The following ADH5 variants were observed in gnomAD, a reference collection of about 807,000 sequenced individuals.
ADH5 encodes the protein alcohol dehydrogenase class-3.
Under a neutral mutation model 40.3 loss-of-function variants are expected in ADH5, and 32 were observed. The ratio of observed to expected loss-of-function variants is 0.79; its 90% confidence interval spans 0.60 to 1.07. ADH5 has a LOEUF of 1.07. Among genes scored for constraint, ADH5 ranks in the 50% least tolerant of loss-of-function variants. ADH5 has a pLI of 0.00. For missense variants in ADH5, 353 were observed against 460.5 expected, an observed-to-expected ratio of 0.77 and a Z score of 2.14; for synonymous variants, 125 against 154.3, an observed-to-expected ratio of 0.81 and a Z score of 1.41.
intron 7 of ADH5, among the ~76,000 whole-genome samples, chr4:99,074,660 T>C (rs947191219): frequency 2.0e-5 from 3 of 150,488 alleles, no homozygotes; most frequent in Non-Finnish European, 4.4e-5. Flanking sequence ...AATATTGATA[T>C]TTTTCTTTTA....
chr4:99,076,854 C>A lies in ADH5; in HGVS notation c.414G>T (p.Leu138Phe), dbSNP rs1727941239. 6.8e-6 allele frequency: 11 copies of A among 1,613,792 alleles called. No homozygotes were observed. The highest frequency in any genetic ancestry group is 8.5e-6 in the Non-Finnish European group (10 of 1,179,834). Residue 138 changes from leucine to phenylalanine, a missense_variant, in exon 5 of 9, where the codon TTG becomes TTT. Leu to Phe is a conservative substitution (Grantham distance 22). Transcript: ENST00000296412. ...SRFTCKGKTI[L>F]HYMGTSTFSE... is the part of the protein sequence containing the mutation. ...AAAATGTGCTGGTTCCCATGTAATG[C>A]AAAATTGTCTTTCCTTTGCAAGTAA...
chr4:99,085,619 C>T (rs537594730), intron 1 of ADH5: 42 of 352,482 alleles, frequency 1.2e-4, no homozygotes, highest in African/African-American at 8.6e-4. Flanking sequence ...TGAATACCAC[C>T]GGCTTGGTGC....
chr4:99,088,555 G>C, intron 1 of ADH5, 134 bp downstream of exon 1: 1 of 893,460 alleles, frequency 1.1e-6, no homozygotes, highest in Non-Finnish European at 1.6e-6. Context: ...CGCTCGCTGG[G>C]GGCCCAGTTT....
chr4:99,079,175 T>C (rs1030796009), intron 4 of ADH5, among the ~76,000 whole-genome samples: 5 of 152,194 alleles, frequency 3.3e-5, no homozygotes, highest in African/African-American at 1.2e-4. Flanking sequence ...GCAATGCCTA[T>C]ATCCATCAAA....
chr4:99,073,748 T>C (rs1481804299), intron 7 of ADH5, among the ~76,000 whole-genome samples: 1 of 152,156 alleles, frequency 6.6e-6, no homozygotes, highest in African/African-American at 2.4e-5. Flanking sequence ...GCTTCTATTA[T>C]CTTTAGATCA....
rs1579364214 is a variant in ADH5 at position 99,081,305 on chromosome 4, G to A, written c.344+60C>T. ...ATTCCTCCTCAACCCCTCGGTCTCT[G>A]TGATTCCTTAATTATCCCGCAGCAC... On this transcript the variant is annotated intron_variant, in intron 4 of 8. Transcript: ENST00000296412. 5 of 1,140,870 alleles carry A rather than the reference G, an allele frequency of 4.4e-6. No homozygotes were observed. In the East Asian group the frequency reaches 1.3e-4, roughly 29 times the overall value. 70.7% of individuals were successfully genotyped at this position (1,140,870 alleles called of 1,614,324 possible).
intron 6 of ADH5, 185 bp downstream of exon 6, chr4:99,076,107 T>C: frequency 1.6e-6 from 1 of 610,204 alleles, no homozygotes; most frequent in Non-Finnish European, 2.8e-6. Context: ...TCTTTTCTCA[T>C]CCTTCCCTGA....
rs1727843646 is a variant in ADH5, at chr4:99,072,104, GCAGA to G, written c.*309_*312del. On this transcript the variant is annotated 3_prime_UTR_variant, in exon 9 of 9. Transcript: ENST00000296412. ...TTCCCTTGCAGAATGAAGATAATGG[GCAGA>G]CAAACCGTGACAATGATGACAGCAT... The G allele has an allele frequency of 3.6e-6, 1 of 274,020 alleles. No individual in the cohort carries two copies. The highest frequency in any genetic ancestry group is 6.8e-6 in the Non-Finnish European group (1 of 147,232). The allele number at this position is 274,020 out of a possible 1,614,324, so 17.0% of individuals were successfully genotyped here.
rs772360619 is a variant in ADH5 at position 99,076,353 on chromosome 4, A to G, written c.764T>C (p.Ile255Thr). ...DFSKPIQEVL[I>T]EMTDGGVDYS... ...GTCCACTCCTCCATCGGTCATCTCA[A>G]TGAGCACTTCCTGGATGGGTTTACT... The change falls in exon 6 of 9, where the codon ATT becomes ACT. Residue 255 changes from isoleucine (I) to threonine (T), a missense_variant. Physicochemically the swap from Ile to Thr is moderately conservative, Grantham distance 89 (BLOSUM62 -1). Coordinates refer to ENST00000296412, the MANE Select transcript of ADH5 (RefSeq NM_000671.4). The G allele has an allele frequency of 1.1e-5, 17 of 1,614,058 alleles. No homozygotes were observed. Among genetic ancestry groups the G allele is most frequent in the Non-Finnish European group, 1.4e-5 (17 of 1,180,028 alleles).
In ADH5 at chr4:99,075,013, C is replaced by T. The variant is rs1253620071; in HGVS notation, c.862G>A (p.Val288Ile). The T allele has an allele frequency of 6.8e-6, 11 of 1,612,418 alleles. No homozygotes were observed. Among genetic ancestry groups the T allele is most frequent in the East Asian group, 2.2e-5 (1 of 44,836 alleles). The change falls in exon 7 of 9, where the codon GTC becomes ATC. Residue 288 changes from valine (V) to isoleucine (I), a missense_variant. Physicochemically the swap from Val to Ile is conservative, Grantham distance 29. Coordinates refer to ENST00000296412, the MANE Select transcript of ADH5 (RefSeq NM_000671.4). ...GCAGCTACTCCAACCACGACGCTGA[C>T]GCCCCAGCCCTTGTGACATGCCTCA... is the stretch of plus-strand genomic sequence containing the variant. Reference protein sequence around the residue: ...ALEACHKGWGVSVVVGVAASG... With the variant: ...ALEACHKGWGISVVVGVAASG...
At chr4:99,078,673 A>T (rs1727972173) in intron 4 of ADH5, among the ~76,000 whole-genome samples, 1 of 152,216 alleles carries the variant, frequency 6.6e-6, no homozygotes. Context: ...AAGGGCTGGG[A>T]TTACAGGTGT....
intron 3 of ADH5, 58 bp from the exon 4 acceptor site, chr4:99,081,510 T>A: frequency 6.3e-6 from 8 of 1,263,680 alleles, no homozygotes; most frequent in Non-Finnish European, 9.0e-6. Flanking sequence ...AATGAAAACA[T>A]CAGCCCTTGC....
chr4:99,076,072 G>C (rs1051165983), intron 6 of ADH5: 1 of 531,646 alleles, frequency 1.9e-6, no homozygotes, highest in African/African-American at 1.9e-5. Context: ...CATGCACTTA[G>C]CAGGCATTGA....
chr4:99,088,580 A>G (rs1728197203), intron 1 of ADH5, 109 bp downstream of exon 1: 13 of 1,195,046 alleles, frequency 1.1e-5, no homozygotes, highest in Non-Finnish European at 1.5e-5. Flanking sequence ...ACCAAGAGCC[A>G]GATCCCGTCT....
At chr4:99,086,939 CAAAAAAAAA>C (rs58359709) in intron 1 of ADH5, among the ~76,000 whole-genome samples, 1 of 64,270 alleles carries the variant, frequency 1.6e-5, no homozygotes, top group Non-Finnish European at 2.6e-5. Context: ...GACTGCGTCT[CAAAAAAAAA>C]AAAAAAAAAA....
chr4:99,076,230 C>G, intron 6 of ADH5, 62 bp downstream of exon 6: 5 of 1,557,030 alleles, frequency 3.2e-6, no homozygotes, highest in Non-Finnish European at 4.4e-6. Flanking sequence ...AATTTTTAAT[C>G]TAAAACTGCA....
Position 99,085,233 on chromosome 4 carries a change from A to G in ADH5, c.13-17T>C. 6 of 1,403,040 alleles carry G rather than the reference A, an allele frequency of 4.3e-6. No homozygotes were observed. The highest frequency in any genetic ancestry group is 1.5e-5 in the South Asian group (1 of 66,102). 86.9% of individuals were successfully genotyped at this position (1,403,040 alleles called of 1,614,324 possible). A position where few individuals can be genotyped will look rare whatever the true frequency, so the allele number is the denominator to read the frequency against. On this transcript the variant is annotated splice_polypyrimidine_tract_variant and intron_variant, in intron 1 of 8. Coordinates refer to ENST00000296412, the MANE Select transcript of ADH5 (RefSeq NM_000671.4). ...CTTGATAACCTGAAGTGGGGAAAAA[A>G]GGGAATAAGCTGTTTATCCTCCTAA...
intron 1 of ADH5, among the ~76,000 whole-genome samples, chr4:99,087,298 C>T (rs1425036074): frequency 6.6e-6 from 1 of 150,406 alleles, no homozygotes; most frequent in African/African-American, 2.4e-5. Context: ...AGGAGAATCG[C>T]TTGAACCCGG....
chr4:99,084,308 A>C (rs1728087025), intron 2 of ADH5, among the ~76,000 whole-genome samples: 1 of 152,192 alleles, frequency 6.6e-6, no homozygotes, highest in African/African-American at 2.4e-5. Context: ...TGGGGTAAAG[A>C]AGCCAGCAAA....
Sources: allele counts gnomAD v4.1 joint callset (sites outside exome capture counted in the v4.1 genomes callset), GRCh38; gene constraint gnomAD v4.1.1; transcripts MANE v1.5; gene names NCBI Gene and HGNC (gene_info 2026-07-23, HGNC 2026-07-21).